Variants in RANBP2 observed in about 807,000 individuals in gnomAD.
RANBP2 encodes the protein E3 SUMO-protein ligase RanBP2.
In RANBP2, 57 loss-of-function variants were observed where a neutral mutation model predicts 303.6. That is an observed-to-expected ratio of 0.19 (90% confidence interval 0.15 to 0.23). The LOEUF (loss-of-function observed/expected upper bound fraction) is 0.23. RANBP2 is among the 10% of genes least tolerant of loss of function. The pLI is 1.00. For missense variants in RANBP2, 3,138 were observed against 3,780.8 expected, an observed-to-expected ratio of 0.83 and a Z score of 4.46; for synonymous variants, 1,167 against 1,301.5, an observed-to-expected ratio of 0.90 and a Z score of 2.23.
chr2:109,348,202 T>A, the RANBP2 span, among the ~76,000 whole-genome samples: 2 of 152,102 alleles, frequency 1.3e-5, no homozygotes, highest in African/African-American at 4.8e-5. Context: ...CATAGGAGCT[T>A]GAGATAATAT....
the RANBP2 span, among the ~76,000 whole-genome samples, chr2:108,844,901 C>T: frequency 2.5e-4 from 38 of 152,158 alleles, no homozygotes; most frequent in Admixed American, 1.3e-3. Context: ...GTGCACGCCA[C>T]CAAGCCCAGT....
At chr2:108,994,794 TTATATATATATATA>T in the RANBP2 span, among the ~76,000 whole-genome samples, 83 of 114,816 alleles carry the variant, frequency 7.2e-4, 1 homozygote, top group Middle Eastern at 4.9e-3. Context: ...GTGCATTGGG[TTATATATATATATA>T]TATATATATA....
At chr2:109,616,015 T>C in the RANBP2 span, 2 of 1,526,072 alleles carry the variant, frequency 1.3e-6, no homozygotes, top group Non-Finnish European at 1.8e-6. Context: ...GAACGACCTG[T>C]TAAAGGCCAC....
At chr2:109,420,191 C>T in the RANBP2 span, among the ~76,000 whole-genome samples, 1 of 152,238 alleles carries the variant, frequency 6.6e-6, no homozygotes, top group Admixed American at 6.5e-5. Context: ...TAAATTACAG[C>T]TCTTAACAGA....
chr2:109,363,168 G>T, the RANBP2 span, among the ~76,000 whole-genome samples: 3 of 151,618 alleles, frequency 2.0e-5, no homozygotes. Flanking sequence ...GGTCTTTTGT[G>T]GTTTTTATTG....
chr2:108,873,488 T>A, the RANBP2 span: 1 of 1,608,530 alleles, frequency 6.2e-7, no homozygotes, highest in Non-Finnish European at 8.5e-7. Flanking sequence ...GTAGCAACTC[T>A]TTATTTTTTC....
the RANBP2 span, chr2:109,490,659 A>C: frequency 1.3e-6 from 2 of 1,509,092 alleles, no homozygotes; most frequent in Non-Finnish European, 1.8e-6. Flanking sequence ...CACCAAGAAG[A>C]AGTCACGCTC....
chr2:109,208,988 A>G, the RANBP2 span, among the ~76,000 whole-genome samples: 4 of 152,204 alleles, frequency 2.6e-5, no homozygotes, highest in Non-Finnish European at 4.4e-5. Flanking sequence ...ATGTTCACAG[A>G]GGCCCGACAT....
At chr2:109,626,369 T>C in the RANBP2 span, among the ~76,000 whole-genome samples, 2 of 152,134 alleles carry the variant, frequency 1.3e-5, no homozygotes, top group Non-Finnish European at 2.9e-5. Flanking sequence ...CTCGGGAGGA[T>C]GAGGCAGGAG....
chr2:109,198,730 C>G, the RANBP2 span, among the ~76,000 whole-genome samples: 1 of 152,072 alleles, frequency 6.6e-6, no homozygotes, highest in Admixed American at 6.5e-5. Flanking sequence ...AAGGTTCCAC[C>G]CTCATGACCT....
chr2:109,593,209 G>C, the RANBP2 span: 1 of 794,546 alleles, frequency 1.3e-6, no homozygotes, highest in Non-Finnish European at 1.9e-6. Context: ...TGAATAAGGT[G>C]TTATAATAAT....
chr2:109,413,201 G>A, the RANBP2 span, among the ~76,000 whole-genome samples: 1 of 152,138 alleles, frequency 6.6e-6, no homozygotes, highest in Non-Finnish European at 1.5e-5. Flanking sequence ...TGCAACCTCC[G>A]CCTCATGGGT....
At chr2:108,929,140 C>A in the RANBP2 span, 15 of 1,599,928 alleles carry the variant, frequency 9.4e-6, no homozygotes, top group Non-Finnish European at 1.2e-5. Flanking sequence ...TTGCCCGTAG[C>A]CCCTCGGGGT....
chr2:109,138,826 G>A, the RANBP2 span, among the ~76,000 whole-genome samples: 1 of 152,200 alleles, frequency 6.6e-6, no homozygotes, highest in African/African-American at 2.4e-5. Flanking sequence ...CCACACATAT[G>A]TACTGACTGC....
chr2:108,766,408 G>A lies in RANBP2; in HGVS notation c.5869G>A (p.Glu1957Lys), dbSNP rs1170124855. The change falls in exon 20 of 29, where the codon GAA becomes AAA. Residue 1957 changes from glutamate (E) to lysine (K), a missense_variant. Around this residue, in one of 20 missense-constraint regions of RANBP2, gnomAD observed 348 missense variants for 360.4 expected, o/e 0.97. Transcript: ENST00000283195. ...AGATCTTGCAAAATCAACTTCAGGA[G>A]AAGGATTTCAGTTTGGCAAAAAAGA... Reference protein sequence around the residue: ...FADLAKSTSGEGFQFGKKDPN... With the variant: ...FADLAKSTSGKGFQFGKKDPN... The A allele has an allele frequency of 1.2e-6, 2 of 1,611,842 alleles. No homozygotes were observed. The highest frequency in any genetic ancestry group is 1.7e-6 in the Non-Finnish European group (2 of 1,179,858).
chr2:109,027,252 A>AC, the RANBP2 span, among the ~76,000 whole-genome samples: 11 of 150,898 alleles, frequency 7.3e-5, no homozygotes, highest in South Asian at 2.1e-4. Flanking sequence ...CAAAAAAAAA[A>AC]AAAAAAAAAA....
chr2:109,269,370 T>C, the RANBP2 span, among the ~76,000 whole-genome samples: 48 of 152,316 alleles, frequency 3.2e-4, no homozygotes, highest in Non-Finnish European at 3.2e-4. Context: ...ACACACCGTG[T>C]AATTTCCAGA....
At chr2:109,132,072 C>G in the RANBP2 span, among the ~76,000 whole-genome samples, 1 of 152,118 alleles carries the variant, frequency 6.6e-6, no homozygotes, top group Non-Finnish European at 1.5e-5. Context: ...ACTTTACTGT[C>G]CATTGGAATT....
the RANBP2 span, among the ~76,000 whole-genome samples, chr2:109,143,927 C>T: frequency 1.3e-5 from 2 of 152,038 alleles, no homozygotes; most frequent in Non-Finnish European, 2.9e-5. Context: ...GGACGTTATG[C>T]GAAGTGAAAC....
Sources: gnomAD v4.1 joint callset for allele counts (sites outside exome capture counted in the v4.1 genomes callset) on GRCh38, gnomAD v4.1.1 for gene constraint, gnomAD v4.1.1 regional missense constraint, MANE v1.5 for transcripts, NCBI Gene and HGNC (gene_info 2026-07-23, HGNC 2026-07-21) for gene names.